TMEM232: variants seen among roughly 807,000 people sequenced by gnomAD.
TMEM232 encodes the protein transmembrane protein 232.
A neutral mutation model predicts 78.8 loss-of-function variants in TMEM232; 80 were observed. The observed-to-expected ratio is 1.01, with a 90% confidence interval of 0.85 to 1.22. The LOEUF is 1.22. Among genes scored for constraint, TMEM232 ranks in the 50% most tolerant of loss-of-function variants. The probability of loss-of-function intolerance (pLI) is 0.00; values close to 1 mark genes in which losing one functional copy is unlikely to be tolerated. For missense variants in TMEM232, 881 were observed against 742.2 expected, an observed-to-expected ratio of 1.19 and a Z score of -2.17; for synonymous variants, 297 against 254.3, an observed-to-expected ratio of 1.17 and a Z score of -1.60.
chr5:110,604,557 A>G (rs1169575277), intron 10 of TMEM232, among the ~76,000 whole-genome samples: 1 of 152,228 alleles, frequency 6.6e-6, no homozygotes, highest in Non-Finnish European at 1.5e-5. Context: ...TAAACTTCAT[A>G]TACACCACCC....
chr5:110,652,684 T>A (rs1788505579), intron 2 of TMEM232, among the ~76,000 whole-genome samples: 2 of 152,138 alleles, frequency 1.3e-5, no homozygotes, highest in East Asian at 3.8e-4. Context: ...TTCCTGCCCA[T>A]CACAATAGAC....
At chr5:110,505,459 C>A (rs983161306) in intron 12 of TMEM232, among the ~76,000 whole-genome samples, 1 of 152,126 alleles carries the variant, frequency 6.6e-6, no homozygotes, top group African/African-American at 2.4e-5. Context: ...GAAGAAAAAT[C>A]GTTCTAAAGT....
At chr5:110,529,602 G>C (rs1771130683) in intron 11 of TMEM232, among the ~76,000 whole-genome samples, 1 of 152,030 alleles carries the variant, frequency 6.6e-6, no homozygotes, top group Admixed American at 6.5e-5. Context: ...TAAGAGCTTT[G>C]TATTTAGCTT....
intron 12 of TMEM232, among the ~76,000 whole-genome samples, chr5:110,488,409 GAAAT>G (rs1310366382): frequency 1.3e-5 from 2 of 151,680 alleles, no homozygotes; most frequent in African/African-American, 4.8e-5. Context: ...AATAAAATTA[GAAAT>G]AAATAAAAAA....
At position 110,433,407 on chromosome 5, in the gene TMEM232, A is replaced by G. The variant is rs145150652; in HGVS notation, c.1704-8491T>C. 2.2e-4 allele frequency among the ~76,000 whole-genome samples: 33 copies of G among 151,906 alleles called. No homozygotes were observed. The East Asian group carries it at 5.2e-3, about 24-fold the overall frequency. On this transcript the variant is annotated intron_variant, in intron 12 of 13. Transcript: ENST00000455884. ...GGGTAAACAATGAAATCAAAGTAGA[A>G]ATAAAAAGTTCTTTGAAACAAATGA...
At chr5:110,694,979 C>T (rs1005112651) in intron 1 of TMEM232, among the ~76,000 whole-genome samples, 2 of 152,130 alleles carry the variant, frequency 1.3e-5, no homozygotes, top group African/African-American at 4.8e-5. Flanking sequence ...AACTCTCCAC[C>T]CCAAATCAAC....
intron 2 of TMEM232, among the ~76,000 whole-genome samples, chr5:110,657,662 T>G (rs1789266156): frequency 6.6e-6 from 1 of 152,020 alleles, no homozygotes; most frequent in Admixed American, 6.6e-5. Flanking sequence ...AAGAAGAATT[T>G]GTTTTCGTGT....
At chr5:110,595,115 T>C (rs933498689) in intron 10 of TMEM232, among the ~76,000 whole-genome samples, 8 of 152,190 alleles carry the variant, frequency 5.3e-5, no homozygotes, top group Non-Finnish European at 1.2e-4. Flanking sequence ...CTTCTGCTGG[T>C]GATACCCAGG....
At chr5:110,414,304 G>C (rs1274037185) in intron 2 of TMEM232, among the ~76,000 whole-genome samples, 1 of 152,042 alleles carries the variant, frequency 6.6e-6, no homozygotes, top group African/African-American at 2.4e-5. Context: ...TTTCTGTCCT[G>C]TTCATTGATT....
chr5:110,704,643 C>T (rs942056782), intron 1 of TMEM232, among the ~76,000 whole-genome samples: 1 of 151,922 alleles, frequency 6.6e-6, no homozygotes, highest in Non-Finnish European at 1.5e-5. Context: ...TTTTCATTAT[C>T]AAGTGGACAT....
At chr5:110,644,961 C>G (rs1007621981) in intron 2 of TMEM232, among the ~76,000 whole-genome samples, 2 of 151,216 alleles carry the variant, frequency 1.3e-5, no homozygotes, top group Non-Finnish European at 3.0e-5. Flanking sequence ...CAATTATATA[C>G]CAACAAATTG....
chr5:110,465,494 A>G (rs1337950817), intron 12 of TMEM232, among the ~76,000 whole-genome samples: 1 of 152,202 alleles, frequency 6.6e-6, no homozygotes, highest in African/African-American at 2.4e-5. Context: ...GTACCACAGC[A>G]TTATTTTCTT....
At chr5:110,738,119 T>TC (rs1209931924), upstream of TMEM232, 12 of 827,710 alleles carry the variant, frequency 1.4e-5, no homozygotes, top group Admixed American at 4.4e-4. Flanking sequence ...ACGTCAGAGT[T>TC]CTCTTGGAAA....
chr5:110,556,793 C>A (rs1403763445), intron 11 of TMEM232, among the ~76,000 whole-genome samples: 1 of 152,168 alleles, frequency 6.6e-6, no homozygotes, highest in Non-Finnish European at 1.5e-5. Context: ...CCTGACTCTT[C>A]TTTCCTGCTG....
intron 5 of TMEM232, among the ~76,000 whole-genome samples, chr5:110,635,117 C>A (rs1208677143): frequency 6.6e-6 from 1 of 151,950 alleles, no homozygotes; most frequent in Non-Finnish European, 1.5e-5. Context: ...AAACATACAA[C>A]CTACCAAGAT....
At chr5:110,720,259 C>T (rs534632833) in intron 1 of TMEM232, among the ~76,000 whole-genome samples, 68 of 152,056 alleles carry the variant, frequency 4.5e-4, no homozygotes, top group Admixed American at 1.1e-3. Flanking sequence ...TAAGTTGCAA[C>T]GAGGGAAATT....
intron 12 of TMEM232, among the ~76,000 whole-genome samples, chr5:110,509,120 TC>T (rs1317754219): frequency 6.7e-6 from 1 of 149,870 alleles, no homozygotes; most frequent in Non-Finnish European, 1.5e-5. Context: ...CAAAAATAAT[TC>T]ATAAATCTTA....
chr5:110,472,691 A>G (rs1388801938), intron 12 of TMEM232, among the ~76,000 whole-genome samples: 1 of 152,006 alleles, frequency 6.6e-6, no homozygotes, highest in African/African-American at 2.4e-5. Flanking sequence ...AAGCTATAAT[A>G]ACAAAAAAAG....
intron 12 of TMEM232, chr5:110,429,774 G>A (rs1181058017): frequency 1.3e-5 from 2 of 151,698 alleles, no homozygotes; most frequent in Non-Finnish European, 3.0e-5. Context: ...GGTTGGTATG[G>A]CTTTTCTCAG....
Sources: gnomAD v4.1 joint callset for allele counts (sites outside exome capture counted in the v4.1 genomes callset) on GRCh38, gnomAD v4.1.1 for gene constraint, MANE v1.5 for transcripts, NCBI Gene and HGNC (gene_info 2026-07-23, HGNC 2026-07-21) for gene names.